The following AHCYL2 variants were observed in gnomAD, a reference collection of about 807,000 sequenced individuals.
The protein encoded by AHCYL2 is adenosylhomocysteinase like 2.
In AHCYL2, 28 loss-of-function variants were observed where a neutral mutation model predicts 81.4. The ratio of observed to expected loss-of-function variants is 0.34; its 90% CI spans 0.25 to 0.47. The LOEUF is 0.47. AHCYL2 is among the 20% of genes least tolerant of loss of function. The pLI is 1.00. For synonymous variants in AHCYL2, 272 were observed against 290.2 expected, an observed-to-expected ratio of 0.94 and a Z score of 0.64; for missense variants, 551 against 785.1, an observed-to-expected ratio of 0.70 and a Z score of 3.56.
At chr7:129,225,699 A>C (rs1794188733) in intron 1 of AHCYL2, among the ~76,000 whole-genome samples, 1 of 152,152 alleles carries the variant, frequency 6.6e-6, no homozygotes, top group Admixed American at 6.5e-5. Context: ...TGGAATAGGC[A>C]GCGGGAGGAG....
intron 1 of AHCYL2, among the ~76,000 whole-genome samples, chr7:129,330,296 C>T (rs780219773): frequency 2.0e-5 from 3 of 152,130 alleles, no homozygotes; most frequent in Admixed American, 6.5e-5. Context: ...CTGCACCCTG[C>T]CCAAAAGCTG....
chr7:129,259,661 A>T (rs1409579554), intron 1 of AHCYL2, among the ~76,000 whole-genome samples: 2 of 152,244 alleles, frequency 1.3e-5, no homozygotes, highest in Non-Finnish European at 2.9e-5. Context: ...TGCTAGGAAA[A>T]TAACTTCCCT....
chr7:129,375,532 A>G (rs141104373), intron 1 of AHCYL2: 353 of 911,298 alleles, frequency 3.9e-4, no homozygotes, highest in Non-Finnish European at 4.6e-4. Context: ...TGTTATGCGC[A>G]TGCAAGTTGG....
At chr7:129,268,654 T>C (rs1351940303) in intron 1 of AHCYL2, among the ~76,000 whole-genome samples, 1 of 152,208 alleles carries the variant, frequency 6.6e-6, no homozygotes, top group African/African-American at 2.4e-5. Flanking sequence ...ACCTGGCCGC[T>C]TGTGCTTTCT....
chr7:129,392,113 G>A (rs1393224839), intron 4 of AHCYL2, among the ~76,000 whole-genome samples: 3 of 151,838 alleles, frequency 2.0e-5, no homozygotes, highest in Non-Finnish European at 1.5e-5. Flanking sequence ...TTTTTTTCCT[G>A]AATGGATTGA....
chr7:129,308,687 A>T (rs949544249), intron 1 of AHCYL2, among the ~76,000 whole-genome samples: 11 of 152,234 alleles, frequency 7.2e-5, no homozygotes, highest in African/African-American at 2.7e-4. Flanking sequence ...ATGTTCATTT[A>T]AAAAACAGAA....
intron 1 of AHCYL2, among the ~76,000 whole-genome samples, chr7:129,377,379 T>C (rs1794735749): frequency 6.6e-6 from 1 of 152,242 alleles, no homozygotes; most frequent in Admixed American, 6.5e-5. Flanking sequence ...TTCCTATTGC[T>C]GAAAACAATT....
intron 1 of AHCYL2, among the ~76,000 whole-genome samples, chr7:129,289,450 C>T (rs1370402260): frequency 6.6e-6 from 1 of 152,194 alleles, no homozygotes; most frequent in African/African-American, 2.4e-5. Flanking sequence ...TCCATTAAAT[C>T]ATTAAGAGCT....
At chr7:129,359,534 C>T (rs1045389721) in intron 1 of AHCYL2, among the ~76,000 whole-genome samples, 4 of 152,256 alleles carry the variant, frequency 2.6e-5, no homozygotes, top group Admixed American at 6.5e-5. Context: ...AAGAATATAG[C>T]GAGAAGCACA....
chr7:129,341,094 C>A (rs1402369213), intron 1 of AHCYL2, among the ~76,000 whole-genome samples: 5 of 151,618 alleles, frequency 3.3e-5, no homozygotes, highest in Non-Finnish European at 7.4e-5. Context: ...CAAAGTTTTT[C>A]TTTTCTTTTC....
chr7:129,412,138 C>T (rs1796610903), intron 11 of AHCYL2, among the ~76,000 whole-genome samples: 2 of 151,436 alleles, frequency 1.3e-5, no homozygotes, highest in South Asian at 4.2e-4. Flanking sequence ...CACTTGAGCC[C>T]AGGAGTTCAG....
intron 1 of AHCYL2, among the ~76,000 whole-genome samples, chr7:129,269,779 C>T (rs1386169778): frequency 6.6e-6 from 1 of 152,092 alleles, no homozygotes; most frequent in Non-Finnish European, 1.5e-5. Context: ...TTTACAGTGT[C>T]TATAGATTGA....
intron 2 of AHCYL2, chr7:129,388,133 C>T (rs922536207): frequency 4.6e-5 from 7 of 152,090 alleles, no homozygotes; most frequent in African/African-American, 1.7e-4. Flanking sequence ...AGATACAAAG[C>T]GTTTTCTAGA....
At chr7:129,349,056 C>T (rs1205977254) in intron 1 of AHCYL2, among the ~76,000 whole-genome samples, 1 of 152,154 alleles carries the variant, frequency 6.6e-6, no homozygotes, top group Admixed American at 6.5e-5. Context: ...TTTTATTCCT[C>T]ACAACTTTTA....
chr7:129,379,583 G>A (rs962331639), intron 1 of AHCYL2, 55 bp from the exon 2 acceptor site: 1 of 1,353,266 alleles, frequency 7.4e-7, no homozygotes, highest in Admixed American at 2.0e-5. Flanking sequence ...GCCTTGAATT[G>A]CTGTCTCAAA....
chr7:129,233,637 A>G (rs990223143), intron 1 of AHCYL2, among the ~76,000 whole-genome samples: 4 of 151,830 alleles, frequency 2.6e-5, no homozygotes, highest in Admixed American at 2.0e-4. Flanking sequence ...ACAGGCACGC[A>G]CTACCACGCC....
intron 4 of AHCYL2, among the ~76,000 whole-genome samples, chr7:129,393,350 C>T (rs1450510666): frequency 6.6e-6 from 1 of 152,092 alleles, no homozygotes; most frequent in East Asian, 1.9e-4. Flanking sequence ...CCCGAAAGGT[C>T]GAGATTGCAG....
chr7:129,316,537 T>C (rs906138473), intron 1 of AHCYL2, among the ~76,000 whole-genome samples: 2 of 152,222 alleles, frequency 1.3e-5, no homozygotes, highest in African/African-American at 4.8e-5. Flanking sequence ...TTGAGAGTTC[T>C]TTCTCTGGAG....
chr7:129,371,050 T>C (rs989543170), intron 1 of AHCYL2, among the ~76,000 whole-genome samples: 3 of 152,244 alleles, frequency 2.0e-5, no homozygotes, highest in Non-Finnish European at 2.9e-5. Context: ...GTATTGCCGA[T>C]GGATTTCCAG....
Sources: gnomAD v4.1 joint callset for allele counts (sites outside exome capture counted in the v4.1 genomes callset) on GRCh38, gnomAD v4.1.1 for gene constraint, MANE v1.5 for transcripts, NCBI Gene and HGNC (gene_info 2026-07-23, HGNC 2026-07-21) for gene names.